The following TMEM185A variants were observed in gnomAD, a reference collection of about 807,000 sequenced individuals.
TMEM185A encodes transmembrane protein 185A.
In TMEM185A, 9 loss-of-function variants were observed where a neutral mutation model predicts 25.0. The observed-to-expected ratio is 0.36, with a 90% confidence interval of 0.22 to 0.63. The LOEUF (loss-of-function observed/expected upper bound fraction) is 0.63. TMEM185A is among the 20% of genes least tolerant of loss of function. TMEM185A has a pLI of 0.68. For synonymous variants in TMEM185A, 45 were observed against 93.5 expected (o/e 0.48, Z 2.99); for missense variants, 103 against 237.4 (o/e 0.43, Z 3.72).
intron 1 of TMEM185A, among the ~76,000 whole-genome samples, chrX:149,629,587 A>G (rs1170907660): frequency 1.8e-5 from 2 of 112,657 alleles, no homozygotes; most frequent in Non-Finnish European, 3.7e-5. Flanking sequence ...GCACAGTATA[A>G]AAGACCTTTA....
chrX:149,614,687 C>T (rs782569217), intron 1 of TMEM185A, among the ~76,000 whole-genome samples: 3 of 111,537 alleles, frequency 2.7e-5, no homozygotes, highest in South Asian at 7.4e-4. Flanking sequence ...GGTAAATCTA[C>T]AGCCAGAATA....
intron 1 of TMEM185A, among the ~76,000 whole-genome samples, chrX:149,630,933 A>G (rs2090188040): frequency 8.9e-6 from 1 of 111,767 alleles, no homozygotes; most frequent in Non-Finnish European, 1.9e-5. Flanking sequence ...ACTTGTAGTG[A>G]AGACTGATGA....
intron 1 of TMEM185A, among the ~76,000 whole-genome samples, chrX:149,629,341 A>G (rs1602889324): frequency 8.9e-6 from 1 of 111,768 alleles, no homozygotes; most frequent in African/African-American, 3.3e-5. Flanking sequence ...AGTCCCCAGC[A>G]TAAGGTAACT....
At chrX:149,618,343 A>C (rs375441685) in intron 1 of TMEM185A, among the ~76,000 whole-genome samples, 14 of 111,324 alleles carry the variant, frequency 1.3e-4, no homozygotes, top group Non-Finnish European at 2.1e-4. Flanking sequence ...CTGGACCTAC[A>C]AAATTAAACT....
chrX:149,605,029 A>G (rs1224005265), intron 3 of TMEM185A: 1 of 111,886 alleles, frequency 8.9e-6, no homozygotes, highest in African/African-American at 3.3e-5. Context: ...ACAAACACAC[A>G]TATTTTCACT....
In TMEM185A at chrX:149,631,735, TCGC is replaced by T; in HGVS notation, c.-158_-156del. 1,215 of 335,114 alleles carry T rather than the reference TCGC, an allele frequency of 3.6e-3. 13 individuals are homozygous for T. The highest frequency in any genetic ancestry group is 0.012 in the East Asian group (156 of 13,563). 27.6% of individuals were successfully genotyped at this position (335,114 alleles called of 1,213,427 possible). On this transcript the variant is annotated 5_prime_UTR_variant, in exon 1 of 7. Transcript: ENST00000600449. ...GTCCCCGCTGCCGTCGCCGTCGCCG[TCGC>T]CGCCGCCGCCGCCGCCGCCGCCGCC...
intron 1 of TMEM185A, among the ~76,000 whole-genome samples, chrX:149,628,530 C>T (rs1225462069): frequency 4.5e-5 from 5 of 112,184 alleles, no homozygotes; most frequent in African/African-American, 1.6e-4. Flanking sequence ...GGTCAGCTGG[C>T]AGCCCTGTAC....
rs2090107256 is a variant in TMEM185A at position 149,615,755 on chromosome X, TCCA to T, written c.39-4295_39-4293del. ...CAAAAATTAAAAGTTTATGAAAAAA[TCCA>T]CCATTTACAATAGCATCACAAATAT... On this transcript the variant is annotated intron_variant, in intron 1 of 6. Coordinates refer to ENST00000600449, the MANE Select transcript of TMEM185A (RefSeq NM_032508.4). Among the ~76,000 whole-genome samples the T allele has an allele frequency of 3.6e-5, 4 of 112,171 alleles. No individual in the cohort carries two copies. In the South Asian group the frequency reaches 1.5e-3, roughly 41 times the overall value.
At chrX:149,602,128 A>T (rs2090020909) in intron 4 of TMEM185A, 1 of 101,091 alleles carries the variant, frequency 9.9e-6, no homozygotes, top group Admixed American at 1.1e-4. Flanking sequence ...TTCTTTTTGC[A>T]GTTTTGAGTT....
At chrX:149,604,449 C>G (rs1381663610) in intron 3 of TMEM185A, among the ~76,000 whole-genome samples, 1 of 111,890 alleles carries the variant, frequency 8.9e-6, no homozygotes, top group Non-Finnish European at 1.9e-5. Context: ...CTTCTCATAC[C>G]TCGGTTTTGC....
chrX:149,624,531 A>G (rs2090154330), intron 1 of TMEM185A, among the ~76,000 whole-genome samples: 1 of 111,707 alleles, frequency 9.0e-6, no homozygotes, highest in Admixed American at 9.5e-5. Context: ...ATACACGCGC[A>G]TTAACACATG....
At position 149,631,614 on chromosome X, in the gene TMEM185A, C is replaced by T. The variant is rs1393586528; in HGVS notation, c.-34G>A. 2.6e-6 allele frequency: 3 copies of T among 1,140,072 alleles called. No homozygotes were observed. The highest frequency in any genetic ancestry group is 1.8e-5 in the African/African-American group (1 of 54,791). The allele number at this position is 1,140,072 out of a possible 1,213,427, so 94.0% of individuals were successfully genotyped here. A position where few individuals can be genotyped will look rare whatever the true frequency, so the allele number is the denominator to read the frequency against. ...ACTTCACCGCGGCGTCCTCCTCCTCCTCCCCCGCACCCCGTGCTGCACAGC... is the reference window on the plus strand; with the variant it reads ...ACTTCACCGCGGCGTCCTCCTCCTCTTCCCCCGCACCCCGTGCTGCACAGC... On this transcript the variant is annotated 5_prime_UTR_variant, in exon 1 of 7. Transcript: ENST00000600449.
At chrX:149,621,878 A>C in intron 1 of TMEM185A, among the ~76,000 whole-genome samples, 1 of 112,014 alleles carries the variant, frequency 8.9e-6, no homozygotes, top group East Asian at 2.8e-4. Context: ...CAGCCAGAGA[A>C]TCCAGAATAA....
intron 3 of TMEM185A, among the ~76,000 whole-genome samples, chrX:149,605,498 ACTTT>A (rs782074546): frequency 1.0e-5 from 1 of 96,319 alleles, no homozygotes; most frequent in Admixed American, 1.2e-4. Flanking sequence ...CTCCCATGTC[ACTTT>A]CTATGGCCTC....
At chrX:149,629,708 T>C (rs1453935207) in intron 1 of TMEM185A, among the ~76,000 whole-genome samples, 3 of 112,203 alleles carry the variant, frequency 2.7e-5, no homozygotes, top group Non-Finnish European at 5.6e-5. Context: ...TGTAATTTCA[T>C]ATACTAATTT....
chrX:149,604,422 C>G (rs782379150), intron 3 of TMEM185A, among the ~76,000 whole-genome samples: 2 of 111,829 alleles, frequency 1.8e-5, no homozygotes, highest in Non-Finnish European at 3.8e-5. Flanking sequence ...TACTCGAAAC[C>G]ATCCTTGTGC....
At chrX:149,631,384 T>G in intron 1 of TMEM185A, 159 bp downstream of exon 1, 1 of 315,172 alleles carries the variant, frequency 3.2e-6, no homozygotes, top group Non-Finnish European at 4.2e-6. Context: ...AGGCCGACTG[T>G]TTTGCCTGGG....
intron 3 of TMEM185A, chrX:149,605,112 T>C (rs2090039868): frequency 8.9e-6 from 1 of 112,729 alleles, no homozygotes; most frequent in African/African-American, 3.2e-5. Flanking sequence ...ACCTCCTTCA[T>C]GGTTAGTTCT....
rs886361647 is a variant in TMEM185A, at chrX:149,604,221, C to G, written c.424-151G>C. 7.1e-6 allele frequency: 3 copies of G among 425,018 alleles called. No homozygotes were observed. In the African/African-American group the frequency reaches 7.5e-5, roughly 11 times the overall value. The allele number at this position is 425,018 out of a possible 1,213,427, so 35.0% of individuals were successfully genotyped here. A position where few individuals can be genotyped will look rare whatever the true frequency, so the allele number is the denominator to read the frequency against. ...CACTGGAAACTCCTGATTTTCGGTA[C>G]CAGAGGGGCACAGCAGTATTATGGC... On this transcript the variant is annotated intron_variant, in intron 3 of 6. Transcript: ENST00000600449.
Sources: gnomAD v4.1 joint callset for allele counts (sites outside exome capture counted in the v4.1 genomes callset) on GRCh38, gnomAD v4.1.1 for gene constraint, MANE v1.5 for transcripts, NCBI Gene and HGNC (gene_info 2026-07-23, HGNC 2026-07-21) for gene names.